PSD3: variants seen among roughly 807,000 people sequenced by gnomAD.
PSD3 encodes pleckstrin and Sec7 domain containing 3.
Under a neutral mutation model 105.5 loss-of-function variants are expected in PSD3, and 49 were observed. The ratio of observed to expected loss-of-function variants is 0.46; its 90% CI spans 0.37 to 0.59. The LOEUF is 0.59. Among genes scored for constraint, PSD3 ranks in the 20% least tolerant of loss-of-function variants. PSD3 has a pLI of 0.00. For missense variants in PSD3, 1,561 were observed against 1,263.8 expected, an observed-to-expected ratio of 1.24 and a Z score of -3.57; for synonymous variants, 557 against 457.8, an observed-to-expected ratio of 1.22 and a Z score of -2.77.
intron 11 of PSD3, among the ~76,000 whole-genome samples, chr8:18,603,239 T>C (rs138747552): frequency 9.5e-4 from 145 of 152,340 alleles, no homozygotes; most frequent in African/African-American, 3.3e-3. Flanking sequence ...AAGAAGCTTT[T>C]AGGGTTTTGA....
chr8:18,967,212 A>G (rs1824322726), intron 1 of PSD3, among the ~76,000 whole-genome samples: 2 of 151,454 alleles, frequency 1.3e-5, no homozygotes, highest in Admixed American at 1.3e-4. Flanking sequence ...CTGGAGTGCA[A>G]TGGCATGATC....
intron 15 of PSD3, among the ~76,000 whole-genome samples, chr8:18,542,256 G>C (rs78609065): frequency 6.6e-6 from 1 of 152,058 alleles, no homozygotes. Context: ...AAAAGATAAG[G>C]ATTTGTCAAG....
chr8:18,686,069 A>G (rs1012008490), intron 9 of PSD3, among the ~76,000 whole-genome samples: 3 of 152,144 alleles, frequency 2.0e-5, no homozygotes, highest in Non-Finnish European at 4.4e-5. Context: ...AACTAAAACC[A>G]TATGGTAGGA....
At chr8:18,903,376 G>A (rs1819636248) in intron 2 of PSD3, among the ~76,000 whole-genome samples, 1 of 152,124 alleles carries the variant, frequency 6.6e-6, no homozygotes, top group Admixed American at 6.5e-5. Flanking sequence ...CAGGTGCAGT[G>A]GCAGCAAGTA....
chr8:18,927,368 C>T (rs1176609367), intron 2 of PSD3, among the ~76,000 whole-genome samples: 1 of 152,110 alleles, frequency 6.6e-6, no homozygotes, highest in Non-Finnish European at 1.5e-5. Flanking sequence ...TTCACGCCAC[C>T]ATGCCTGGCT....
intron 9 of PSD3, among the ~76,000 whole-genome samples, chr8:18,678,232 A>T (rs1166884851): frequency 6.6e-6 from 1 of 152,170 alleles, no homozygotes; most frequent in African/African-American, 2.4e-5. Flanking sequence ...GATTAGAACT[A>T]GTGCAGGAGG....
At chr8:18,950,114 T>C (rs1823147192) in intron 1 of PSD3, among the ~76,000 whole-genome samples, 1 of 152,170 alleles carries the variant, frequency 6.6e-6, no homozygotes. Context: ...ACGATACTCA[T>C]ACTACCTGCA....
rs1213945087 is a variant in PSD3, at chr8:18,814,375, G to A, written c.1635-9477C>T. On this transcript the variant is annotated intron_variant, in intron 4 of 15. Transcript: ENST00000327040. ...ATGACCCAAACTCACTGTATGAGTC[G>A]GGGAGTCTGCATTTGCTCCTGAGGC... Among the ~76,000 whole-genome samples, 8 of 152,278 alleles carry A rather than the reference G, an allele frequency of 5.3e-5. No individual in the cohort carries two copies. The South Asian group carries it at 1.2e-3, about 24-fold the overall frequency.
At chr8:18,681,823 G>C (rs1451459835) in intron 9 of PSD3, among the ~76,000 whole-genome samples, 1 of 151,862 alleles carries the variant, frequency 6.6e-6, no homozygotes, top group East Asian at 1.9e-4. Flanking sequence ...TGAGATATTG[G>C]GAGCTTGGCT....
At chr8:18,820,847 G>A (rs773071604) in intron 4 of PSD3, among the ~76,000 whole-genome samples, 1 of 137,510 alleles carries the variant, frequency 7.3e-6, no homozygotes, top group Non-Finnish European at 1.6e-5. Context: ...TCAGCCTCCT[G>A]GGCACAGGCA....
At position 18,929,157 on chromosome 8, in the gene PSD3, T is replaced by C. The variant is rs559273331; in HGVS notation, c.130+6877A>G. Among the ~76,000 whole-genome samples the C allele has an allele frequency of 2.6e-5, 4 of 152,154 alleles. No homozygotes were observed. In the East Asian group the frequency reaches 7.7e-4, roughly 29 times the overall value. On this transcript the variant is annotated intron_variant, in intron 2 of 15. Coordinates refer to ENST00000327040, the MANE Select transcript of PSD3 (RefSeq NM_015310.4). ...TAAAGTATTCAGCCTTCTGGGTCACTATGGCAGACAAGGATACAGATTTGT... is the reference window on the plus strand; with the variant it reads ...TAAAGTATTCAGCCTTCTGGGTCACCATGGCAGACAAGGATACAGATTTGT...
At chr8:19,021,928 G>A (rs1827376684) in intron 1 of PSD3, among the ~76,000 whole-genome samples, 1 of 152,216 alleles carries the variant, frequency 6.6e-6, no homozygotes, top group Non-Finnish European at 1.5e-5. Flanking sequence ...GAATACCTGA[G>A]ACTAGTTACT....
intron 2 of PSD3, among the ~76,000 whole-genome samples, chr8:18,903,289 G>A (rs1426174917): frequency 1.3e-5 from 2 of 152,160 alleles, no homozygotes; most frequent in Admixed American, 1.3e-4. Context: ...TCGGGTCCCA[G>A]GGAATGAGTC....
At chr8:18,894,754 TATG>T (rs1819029593) in intron 2 of PSD3, among the ~76,000 whole-genome samples, 1 of 152,162 alleles carries the variant, frequency 6.6e-6, no homozygotes, top group Non-Finnish European at 1.5e-5. Context: ...ACTCCCACCC[TATG>T]ATAATAACGT....
At chr8:18,566,218 A>G (rs944439909) in intron 14 of PSD3, among the ~76,000 whole-genome samples, 3 of 152,164 alleles carry the variant, frequency 2.0e-5, no homozygotes, top group Non-Finnish European at 4.4e-5. Context: ...AAGAAATAAT[A>G]CAGAGCTTTG....
intron 2 of PSD3, among the ~76,000 whole-genome samples, chr8:18,911,263 C>T (rs189674823): frequency 6.6e-6 from 1 of 152,216 alleles, no homozygotes; most frequent in East Asian, 1.9e-4. Flanking sequence ...AAAAATAAAG[C>T]CAGAGAAGTT....
At chr8:18,790,550 C>A (rs530394167) in intron 8 of PSD3, among the ~76,000 whole-genome samples, 1 of 152,220 alleles carries the variant, frequency 6.6e-6, no homozygotes, top group South Asian at 2.1e-4. Flanking sequence ...GATCTGCCCA[C>A]CTTGGCCTCC....
chr8:19,058,618 C>T (rs188121573), intron 1 of PSD3, among the ~76,000 whole-genome samples: 1 of 152,128 alleles, frequency 6.6e-6, no homozygotes, highest in African/African-American at 2.4e-5. Context: ...ACCCTACCAG[C>T]TAGGCCCAAC....
At chr8:18,922,814 A>G (rs1432149429) in intron 2 of PSD3, among the ~76,000 whole-genome samples, 1 of 152,170 alleles carries the variant, frequency 6.6e-6, no homozygotes, top group East Asian at 1.9e-4. Context: ...AACTTCTGAT[A>G]AAGGCTGTTA....
Sources: gnomAD v4.1 joint callset for allele counts (sites outside exome capture counted in the v4.1 genomes callset) on GRCh38, gnomAD v4.1.1 for gene constraint, MANE v1.5 for transcripts, NCBI Gene and HGNC (gene_info 2026-07-23, HGNC 2026-07-21) for gene names.